PDGFD: variants seen among roughly 807,000 people sequenced by gnomAD.
PDGFD encodes platelet derived growth factor D.
A neutral mutation model predicts 44.7 loss-of-function variants in PDGFD; 30 were observed. That is an observed-to-expected ratio of 0.67 (90% CI 0.50 to 0.91). The LOEUF is 0.91. Among genes scored for constraint, PDGFD ranks in the 40% least tolerant of loss-of-function variants. The pLI, the probability that PDGFD is intolerant of heterozygous loss-of-function variation, is 0.00. For synonymous variants in PDGFD, 173 were observed against 168.4 expected, an observed-to-expected ratio of 1.03 and a Z score of -0.21; for missense variants, 445 against 457.8, an observed-to-expected ratio of 0.97 and a Z score of 0.25.
chr11:104,152,788 G>C (rs1862263490), intron 1 of PDGFD, among the ~76,000 whole-genome samples: 4 of 151,758 alleles, frequency 2.6e-5, no homozygotes, highest in Admixed American at 2.6e-4. Flanking sequence ...TGTAATTTGG[G>C]GTTTTCAACA....
chr11:104,046,699 C>A lies in PDGFD; in HGVS notation c.125-46444G>T, dbSNP rs760380762. On this transcript the variant is annotated intron_variant, in intron 1 of 6. Coordinates refer to ENST00000393158, the MANE Select transcript of PDGFD (RefSeq NM_025208.5). ...TAAGTTGTATAAAAAATACAAAAAT[C>A]TTCCCACAGTATCTACTCTCAGTGA... Among the ~76,000 whole-genome samples the A allele has an allele frequency of 1.0e-4, 15 of 147,182 alleles. 1 individual carries two copies. Among genetic ancestry groups the A allele is most frequent in the Non-Finnish European group, 1.7e-4 (11 of 65,958 alleles).
At chr11:104,025,630 C>A (rs569889413) in intron 1 of PDGFD, among the ~76,000 whole-genome samples, 1 of 152,156 alleles carries the variant, frequency 6.6e-6, no homozygotes, top group Non-Finnish European at 1.5e-5. Context: ...ATGAAAGCCT[C>A]AGCATTTCCT....
At chr11:103,943,430 T>G in intron 5 of PDGFD, 22 bp downstream of exon 5, 2 of 1,595,410 alleles carry the variant, frequency 1.3e-6, no homozygotes, top group East Asian at 2.2e-5. Context: ...TTATGAAGAA[T>G]GTACAAGTGT....
Position 103,909,535 on chromosome 11 carries a change from A to G in PDGFD, c.*159T>C. ...TTGATGATATACCTTTCTACTTGCC[A>G]TGGCATTAACAAAGCAAGGCTGAGA... On this transcript the variant is annotated 3_prime_UTR_variant, in exon 7 of 7. Transcript: ENST00000393158. 2 of 821,370 alleles carry G rather than the reference A, an allele frequency of 2.4e-6. No individual in the cohort carries two copies. Among genetic ancestry groups the G allele is most frequent in the Non-Finnish European group, 3.9e-6 (2 of 510,950 alleles). 50.9% of individuals were successfully genotyped at this position (821,370 alleles called of 1,614,324 possible). A position where few individuals can be genotyped will look rare whatever the true frequency, so the allele number is the denominator to read the frequency against.
chr11:103,929,925 CGA>C (rs1235568927), intron 5 of PDGFD, among the ~76,000 whole-genome samples: 15 of 151,982 alleles, frequency 9.9e-5, no homozygotes, highest in Admixed American at 8.5e-4. Flanking sequence ...TGGTGTCAAC[CGA>C]GAGAGAGGGG....
At chr11:104,085,467 G>T (rs532909017) in intron 1 of PDGFD, among the ~76,000 whole-genome samples, 11 of 152,176 alleles carry the variant, frequency 7.2e-5, no homozygotes, top group African/African-American at 2.6e-4. Context: ...TTCACTGAAC[G>T]ACATTTCTGT....
chr11:104,079,247 T>C (rs1226515706), intron 1 of PDGFD, among the ~76,000 whole-genome samples: 1 of 152,220 alleles, frequency 6.6e-6, no homozygotes, highest in Non-Finnish European at 1.5e-5. Context: ...ATGTAGGTGA[T>C]AGTATTTACT....
chr11:104,151,690 T>C (rs1862247897), intron 1 of PDGFD, among the ~76,000 whole-genome samples: 1 of 152,106 alleles, frequency 6.6e-6, no homozygotes, highest in East Asian at 1.9e-4. Flanking sequence ...TATCCTAAAA[T>C]TCGAACACAC....
chr11:103,982,260 G>A (rs1859282378), intron 3 of PDGFD, among the ~76,000 whole-genome samples: 1 of 151,722 alleles, frequency 6.6e-6, no homozygotes, highest in Non-Finnish European at 1.5e-5. Context: ...ATATGTCATT[G>A]GGGATAGATT....
At chr11:104,083,290 G>A (rs998794624) in intron 1 of PDGFD, among the ~76,000 whole-genome samples, 8 of 152,080 alleles carry the variant, frequency 5.3e-5, no homozygotes, top group African/African-American at 1.2e-4. Context: ...ACTTTGATCC[G>A]CCCAAAGGTG....
chr11:104,007,629 T>G (rs539211910), intron 1 of PDGFD, among the ~76,000 whole-genome samples: 4 of 152,206 alleles, frequency 2.6e-5, no homozygotes, highest in Admixed American at 6.5e-5. Context: ...ATAGCATGAC[T>G]GATAGTGACA....
At chr11:104,126,665 G>C (rs1346878347) in intron 1 of PDGFD, among the ~76,000 whole-genome samples, 1 of 152,086 alleles carries the variant, frequency 6.6e-6, no homozygotes, top group Non-Finnish European at 1.5e-5. Context: ...TACATAATGT[G>C]ACAGGTGCTA....
intron 6 of PDGFD, among the ~76,000 whole-genome samples, chr11:103,913,025 A>G (rs1202465000): frequency 6.6e-6 from 1 of 152,058 alleles, no homozygotes; most frequent in Non-Finnish European, 1.5e-5. Context: ...CTCCCACACA[A>G]TAATAGTGGG....
At chr11:103,940,758 G>T (rs1031602773) in intron 5 of PDGFD, among the ~76,000 whole-genome samples, 3 of 152,206 alleles carry the variant, frequency 2.0e-5, no homozygotes, top group African/African-American at 7.2e-5. Flanking sequence ...GTGGTGACTT[G>T]CCAGGGTTAA....
chr11:103,946,232 A>G (rs911040058), intron 4 of PDGFD, among the ~76,000 whole-genome samples: 6 of 152,242 alleles, frequency 3.9e-5, no homozygotes, highest in Non-Finnish European at 8.8e-5. Flanking sequence ...GGTAGGTCCA[A>G]TGACCCCTGC....
Position 103,918,449 on chromosome 11 carries a change from T to C in PDGFD, c.987+8463A>G, listed in dbSNP as rs553738329. On this transcript the variant is annotated intron_variant, in intron 6 of 6. Coordinates refer to ENST00000393158, the MANE Select transcript of PDGFD (RefSeq NM_025208.5). ...ATTCCTTGTTTAAAGAAGACTGTTA[T>C]CAAGGCCTAATAATTTGTGATGACT... Among the ~76,000 whole-genome samples the C allele has an allele frequency of 2.0e-5, 3 of 152,348 alleles. No individual in the cohort carries two copies. The East Asian group carries it at 5.8e-4, about 29-fold the overall frequency.
intron 3 of PDGFD, among the ~76,000 whole-genome samples, chr11:103,950,779 A>G (rs1858744324): frequency 6.6e-6 from 1 of 152,102 alleles, no homozygotes; most frequent in Non-Finnish European, 1.5e-5. Flanking sequence ...AGTTTCCAAA[A>G]GGGGAATCAA....
At chr11:104,090,934 T>C (rs2134436965) in intron 1 of PDGFD, among the ~76,000 whole-genome samples, 1 of 152,178 alleles carries the variant, frequency 6.6e-6, no homozygotes, top group South Asian at 2.1e-4. Flanking sequence ...AAGTTTCTAC[T>C]ATAGCTCTAA....
At chr11:104,079,213 G>A (rs1366489312) in intron 1 of PDGFD, among the ~76,000 whole-genome samples, 6 of 152,134 alleles carry the variant, frequency 3.9e-5, no homozygotes, top group African/African-American at 1.4e-4. Context: ...GTCTGTCACA[G>A]TATCTTAATC....
Sources: allele counts gnomAD v4.1 joint callset (sites outside exome capture counted in the v4.1 genomes callset), GRCh38; gene constraint gnomAD v4.1.1; transcripts MANE v1.5; gene names NCBI Gene and HGNC (gene_info 2026-07-23, HGNC 2026-07-21).